The following PLXDC1 variants were observed in gnomAD, a reference collection of about 807,000 sequenced individuals.
PLXDC1 encodes plexin domain containing 1.
Under a neutral mutation model 61.3 loss-of-function variants are expected in PLXDC1, and 39 were observed. That is an observed-to-expected ratio of 0.64 (90% confidence interval 0.49 to 0.83). The LOEUF is 0.83. Among genes scored for constraint, PLXDC1 ranks in the 40% least tolerant of loss-of-function variants. The probability of loss-of-function intolerance (pLI) is 0.00; values close to 1 mark genes in which losing one functional copy is unlikely to be tolerated. For synonymous variants in PLXDC1, 212 were observed against 254.5 expected (o/e 0.83, Z 1.59); for missense variants, 596 against 666.5 (o/e 0.89, Z 1.17).
intron 2 of PLXDC1, among the ~76,000 whole-genome samples, chr17:39,113,653 C>T (rs1180661171): frequency 1.3e-5 from 2 of 152,042 alleles, no homozygotes; most frequent in Non-Finnish European, 2.9e-5. Flanking sequence ...CCAGCCTGGG[C>T]AACATAGTGA....
chr17:39,143,093 G>T (rs1911988495), intron 1 of PLXDC1, among the ~76,000 whole-genome samples: 1 of 152,178 alleles, frequency 6.6e-6, no homozygotes, highest in Non-Finnish European at 1.5e-5. Context: ...AGCCGAGATT[G>T]CGCCACTGTA....
chr17:39,082,281 CTG>C (rs1162829462), intron 9 of PLXDC1, among the ~76,000 whole-genome samples: 1 of 152,126 alleles, frequency 6.6e-6, no homozygotes, highest in East Asian at 1.9e-4. Context: ...AAGGAAATCA[CTG>C]GGGCCGGGGC....
chr17:39,111,699 T>A (rs1406959608), intron 2 of PLXDC1: 1 of 152,192 alleles, frequency 6.6e-6, no homozygotes, highest in Non-Finnish European at 1.5e-5. Flanking sequence ...GTGACTCATG[T>A]GTACTATTTG....
At chr17:39,073,872 C>T (rs1299746440) in intron 11 of PLXDC1, among the ~76,000 whole-genome samples, 2 of 152,204 alleles carry the variant, frequency 1.3e-5, no homozygotes, top group Non-Finnish European at 2.9e-5. Context: ...TTTGTGACAG[C>T]TACTTGCCAC....
At chr17:39,139,605 C>T in intron 2 of PLXDC1, 49 bp downstream of exon 2, 3 of 1,494,604 alleles carry the variant, frequency 2.0e-6, no homozygotes, top group Non-Finnish European at 2.8e-6. Flanking sequence ...GCTGGTGAGA[C>T]CTCCCCCACC....
chr17:39,145,207 T>C (rs1166315581), intron 1 of PLXDC1, among the ~76,000 whole-genome samples: 1 of 152,146 alleles, frequency 6.6e-6, no homozygotes, highest in Non-Finnish European at 1.5e-5. Flanking sequence ...AGGGCCCTAC[T>C]CAGGCTGCCA....
At chr17:39,088,960 AAAAAG>A in intron 7 of PLXDC1, among the ~76,000 whole-genome samples, 1 of 130,884 alleles carries the variant, frequency 7.6e-6, no homozygotes, top group African/African-American at 2.8e-5. Flanking sequence ...AAAAAAAAAA[AAAAAG>A]AGAGAGAGAG....
intron 2 of PLXDC1, chr17:39,126,907 G>C (rs1304429370): frequency 6.6e-6 from 1 of 152,164 alleles, no homozygotes; most frequent in South Asian, 2.1e-4. Context: ...TACTGTACCT[G>C]GGAATCGGAT....
At chr17:39,139,294 C>A (rs963266120) in intron 2 of PLXDC1, among the ~76,000 whole-genome samples, 4 of 152,202 alleles carry the variant, frequency 2.6e-5, no homozygotes, top group African/African-American at 9.7e-5. Context: ...TGGGGAAGGG[C>A]CCCATCTGGC....
At chr17:39,115,302 A>G (rs1323452973) in intron 2 of PLXDC1, among the ~76,000 whole-genome samples, 1 of 152,242 alleles carries the variant, frequency 6.6e-6, no homozygotes, top group Non-Finnish European at 1.5e-5. Flanking sequence ...GAGTCAGCAG[A>G]TCCCAGGGAA....
chr17:39,087,771 A>G, intron 7 of PLXDC1, 69 bp from the exon 8 acceptor site: 2 of 1,090,566 alleles, frequency 1.8e-6, no homozygotes, highest in South Asian at 1.3e-5. Context: ...CTCTTCCCGG[A>G]CAGTCTGACA....
chr17:39,079,035 C>G, intron 10 of PLXDC1, 69 bp downstream of exon 10: 1 of 1,240,624 alleles, frequency 8.1e-7, no homozygotes, highest in East Asian at 2.3e-5. Context: ...CAGGGGCAGG[C>G]CCTACTGGCT....
chr17:39,152,695 A>G (rs1266514400), upstream of PLXDC1: 3 of 1,232,630 alleles, frequency 2.4e-6, no homozygotes, highest in African/African-American at 4.7e-5. Flanking sequence ...GAAATTTTCC[A>G]GGAGGAGGGA....
At chr17:39,108,450 C>G in intron 4 of PLXDC1, 1 of 594,514 alleles carries the variant, frequency 1.7e-6, no homozygotes, top group Non-Finnish European at 3.0e-6. Context: ...CTCCCTGTCC[C>G]TTCAGCAGGG....
Position 39,139,707 on chromosome 17 carries a change from C to A in PLXDC1, c.202G>T (p.Gly68Cys). The change falls in exon 2 of 14, where the codon GGT becomes TGT. Residue 68 changes from glycine to cysteine, a missense_variant. By Grantham distance (159) the Gly-to-Cys change is radical. Transcript: ENST00000315392. ...GTGTCCATGGCCAGGGTGCCCCCAC[C>A]CAGGTCCTGGCTCAGCTGGGTCCTG... ...PDRTQLSQDL[G>C]GGTLAMDTLP... The A allele has an allele frequency of 1.2e-6, 2 of 1,614,004 alleles. No individual in the cohort carries two copies. The highest frequency in any genetic ancestry group is 1.7e-6 in the Non-Finnish European group (2 of 1,180,010).
chr17:39,147,346 C>G (rs2143991372), intron 1 of PLXDC1, among the ~76,000 whole-genome samples: 2 of 152,308 alleles, frequency 1.3e-5, no homozygotes, highest in Middle Eastern at 6.8e-3. Context: ...GCCACCCCAC[C>G]CCAAACCCCA....
chr17:39,069,610 G>T (rs565247228), intron 13 of PLXDC1, among the ~76,000 whole-genome samples: 2 of 152,260 alleles, frequency 1.3e-5, no homozygotes, highest in African/African-American at 2.4e-5. Flanking sequence ...TTTCACAAAT[G>T]GGGGAACAAA....
At position 39,064,917 on chromosome 17, in the gene PLXDC1, C is replaced by T. The variant is rs1333599920; in HGVS notation, c.*2923G>A. 1 of 152,250 alleles carries T rather than the reference C, an allele frequency of 6.6e-6. No individual in the cohort carries two copies. The highest frequency in any genetic ancestry group is 6.5e-5 in the Admixed American group (1 of 15,280). 9.4% of individuals were successfully genotyped at this position (152,250 alleles called of 1,614,324 possible). A position where few individuals can be genotyped will look rare whatever the true frequency, so the allele number is the denominator to read the frequency against. On this transcript the variant is annotated 3_prime_UTR_variant, in exon 14 of 14. Coordinates refer to ENST00000315392, the MANE Select transcript of PLXDC1 (RefSeq NM_020405.5). ...GCACAGCCCACCAGCAGAGCATTTA[C>T]CACCTGTGTGTGTCTCAAATGGCCA...
At chr17:39,108,502 A>G (rs16228) in intron 4 of PLXDC1, among the ~76,000 whole-genome samples, 99,015 of 151,998 alleles carry the variant, frequency 0.65, 32,859 homozygotes, top group Non-Finnish European at 0.72. Context: ...GAGAGGACTC[A>G]CAGCTTTCCC....
Sources: gnomAD v4.1 joint callset for allele counts (sites outside exome capture counted in the v4.1 genomes callset) on GRCh38, gnomAD v4.1.1 for gene constraint, MANE v1.5 for transcripts, NCBI Gene and HGNC (gene_info 2026-07-23, HGNC 2026-07-21) for gene names.